The following FBXW7 variants were observed in gnomAD, a reference collection of about 807,000 sequenced individuals.
The protein encoded by FBXW7 is F-box/WD repeat-containing protein 7.
In FBXW7, 11 loss-of-function variants were observed where a neutral mutation model predicts 86.3. That is an observed-to-expected ratio of 0.13 (90% CI 0.08 to 0.21). FBXW7 has a LOEUF of 0.21. Ranked by LOEUF, FBXW7 falls within the 10% of genes least tolerant of loss-of-function variation. The pLI, the probability that FBXW7 is intolerant of heterozygous loss-of-function variation, is 1.00. For missense variants in FBXW7, 488 were observed against 847.4 expected (o/e 0.58, Z 5.27); for synonymous variants, 313 against 297.9 (o/e 1.05, Z -0.52).
chr4:152,453,310 T>TC (rs1742084138), intron 2 of FBXW7, among the ~76,000 whole-genome samples: 1 of 152,228 alleles, frequency 6.6e-6, no homozygotes. Context: ...GCCCACATTT[T>TC]CCCCTGTAAA....
intron 4 of FBXW7, among the ~76,000 whole-genome samples, chr4:152,354,780 G>C (rs1201132145): frequency 6.6e-6 from 1 of 152,002 alleles, no homozygotes; most frequent in East Asian, 1.9e-4. Flanking sequence ...TTTGTATGTG[G>C]GTACTGTCCT....
rs576413410 is a variant in FBXW7 at position 152,432,080 on chromosome 4, G to C, written c.-119-19551C>G. On this transcript the variant is annotated intron_variant, in intron 2 of 13. Transcript: ENST00000281708. ...TGTTTAGGGTAGTGGTCTCAAATGT[G>C]CTTCCTTCTAGTATAGCTACTTATT... is the stretch of plus-strand genomic sequence containing the variant. 3.3e-5 allele frequency among the ~76,000 whole-genome samples: 5 copies of C among 152,232 alleles called. No homozygotes were observed. The East Asian group carries it at 9.6e-4, about 29-fold the overall frequency.
chr4:152,363,150 C>A (rs961493337), intron 4 of FBXW7, among the ~76,000 whole-genome samples: 1 of 152,102 alleles, frequency 6.6e-6, no homozygotes, highest in Admixed American at 6.6e-5. Context: ...CCTCTAACTC[C>A]AAATTCCATT....
chr4:152,403,103 T>C (rs774472457), intron 4 of FBXW7, among the ~76,000 whole-genome samples: 1 of 152,040 alleles, frequency 6.6e-6, no homozygotes. Flanking sequence ...ATTAGTTTGA[T>C]GAAATGGGGA....
chr4:152,449,484 T>A (rs531183337), intron 2 of FBXW7, among the ~76,000 whole-genome samples: 4 of 152,102 alleles, frequency 2.6e-5, no homozygotes, highest in Admixed American at 1.3e-4. Context: ...GTGCAGATAA[T>A]GATGTAATAA....
At chr4:152,514,412 T>C (rs1157468412) in intron 2 of FBXW7, among the ~76,000 whole-genome samples, 1 of 152,220 alleles carries the variant, frequency 6.6e-6, no homozygotes, top group Non-Finnish European at 1.5e-5. Flanking sequence ...TACTGTAATA[T>C]GAATTCTCAA....
At chr4:152,525,762 C>T (rs999847763) in intron 2 of FBXW7, among the ~76,000 whole-genome samples, 8 of 152,076 alleles carry the variant, frequency 5.3e-5, no homozygotes, top group Non-Finnish European at 7.4e-5. Context: ...GTAAGGAACA[C>T]GCGTGTGCAT....
chr4:152,475,181 C>T (rs997763034), intron 2 of FBXW7, among the ~76,000 whole-genome samples: 3 of 151,376 alleles, frequency 2.0e-5, no homozygotes, highest in Admixed American at 6.6e-5. Flanking sequence ...TGGCTAATGC[C>T]TGTAATCCCA....
intron 2 of FBXW7, among the ~76,000 whole-genome samples, chr4:152,453,285 A>G (rs1742081513): frequency 6.6e-6 from 1 of 152,202 alleles, no homozygotes; most frequent in Non-Finnish European, 1.5e-5. Context: ...TCTTATCTTA[A>G]TTTCTTATGT....
intron 4 of FBXW7, chr4:152,411,074 G>T: frequency 1.3e-6 from 1 of 746,034 alleles, no homozygotes; most frequent in Non-Finnish European, 1.9e-6. Flanking sequence ...ATTTTTCATA[G>T]TAATAGGCTC....
intron 4 of FBXW7, among the ~76,000 whole-genome samples, chr4:152,380,376 C>A (rs886419766): frequency 1.3e-5 from 2 of 152,010 alleles, no homozygotes; most frequent in African/African-American, 4.8e-5. Context: ...TCTAATATTT[C>A]TAGTAGTCAG....
In FBXW7 at chr4:152,411,597, TTGGCCTCCAGGTCTA is replaced by T; in HGVS notation, c.192_206del (p.Arg65_Gln69del). On this transcript the variant is annotated inframe_deletion, in exon 4 of 14. Transcript: ENST00000281708. ...CCAACTGTCCTTGCTGGGAATCATT[TTGGCCTCCAGGTCTA>T]GGTTCTACTCCAACAACTTCACCAT... is the stretch of plus-strand genomic sequence containing the variant. The T allele has an allele frequency of 6.2e-7, 1 of 1,614,050 alleles. No individual in the cohort carries two copies. The highest frequency in any genetic ancestry group is 8.5e-7 in the Non-Finnish European group (1 of 1,179,950).
chr4:152,340,575 CAA>C (rs556530800), intron 6 of FBXW7, among the ~76,000 whole-genome samples: 4 of 31,902 alleles, frequency 1.3e-4, no homozygotes, highest in East Asian at 9.0e-4. Flanking sequence ...AACTCCATCT[CAA>C]AAAAAAAAAA....
chr4:152,464,171 C>T (rs917014473), intron 2 of FBXW7, among the ~76,000 whole-genome samples: 1 of 152,142 alleles, frequency 6.6e-6, no homozygotes, highest in Non-Finnish European at 1.5e-5. Context: ...AAATAATAGT[C>T]AAACTTCAGA....
intron 7 of FBXW7, among the ~76,000 whole-genome samples, chr4:152,337,189 A>G (rs1242068066): frequency 1.3e-5 from 2 of 151,994 alleles, no homozygotes; most frequent in Non-Finnish European, 2.9e-5. Flanking sequence ...AATAGGCACA[A>G]ATAATTCCCA....
chr4:152,375,891 T>C (rs1734460498), intron 4 of FBXW7, among the ~76,000 whole-genome samples: 1 of 152,066 alleles, frequency 6.6e-6, no homozygotes, highest in African/African-American at 2.4e-5. Flanking sequence ...AGTGATGTGG[T>C]TAAATTTATG....
At chr4:152,411,183 TTTA>T in intron 4 of FBXW7, 117 bp downstream of exon 4, 1 of 1,304,664 alleles carries the variant, frequency 7.7e-7, no homozygotes, top group Non-Finnish European at 1.0e-6. Flanking sequence ...ACTAGTTCAT[TTTA>T]TTATTACACA....
At chr4:152,428,890 T>G (rs1376805884) in intron 2 of FBXW7, among the ~76,000 whole-genome samples, 3 of 152,166 alleles carry the variant, frequency 2.0e-5, no homozygotes, top group African/African-American at 7.2e-5. Context: ...ACTTAACAGA[T>G]TCACACATAG....
intron 2 of FBXW7, among the ~76,000 whole-genome samples, chr4:152,452,954 AG>A (rs1742044368): frequency 1.3e-5 from 2 of 152,200 alleles, no homozygotes; most frequent in South Asian, 4.1e-4. Flanking sequence ...AGGCTGAGGC[AG>A]GTGGGTTCCT....
Sources: gnomAD v4.1 joint callset for allele counts (sites outside exome capture counted in the v4.1 genomes callset) on GRCh38, gnomAD v4.1.1 for gene constraint, MANE v1.5 for transcripts, NCBI Gene and HGNC (gene_info 2026-07-23, HGNC 2026-07-21) for gene names.